The following NTRK2 variants were observed in gnomAD, a reference collection of about 807,000 sequenced individuals.
NTRK2 encodes the protein BDNF/NT-3 growth factors receptor.
A neutral mutation model predicts 94.5 loss-of-function variants in NTRK2; 13 were observed. The observed-to-expected ratio is 0.14, with a 90% CI of 0.09 to 0.22. The LOEUF (loss-of-function observed/expected upper bound fraction) is 0.22. NTRK2 is among the 10% of genes least tolerant of loss of function. NTRK2 has a pLI of 1.00. For synonymous variants in NTRK2, 372 were observed against 407.4 expected, an observed-to-expected ratio of 0.91 and a Z score of 1.05; for missense variants, 639 against 1,071.2, an observed-to-expected ratio of 0.60 and a Z score of 5.63.
chr9:84,818,958 C>T (rs779212849), intron 12 of NTRK2, among the ~76,000 whole-genome samples: 26 of 152,176 alleles, frequency 1.7e-4, no homozygotes, highest in Non-Finnish European at 2.9e-4. Context: ...TCGAATGTCC[C>T]GTCTGGCAGC....
At chr9:84,812,478 C>T (rs754115579) in intron 12 of NTRK2, 1 of 1,050,702 alleles carries the variant, frequency 9.5e-7, no homozygotes, top group Non-Finnish European at 1.1e-6. Context: ...TCTGAATTCC[C>T]ATTTTCTTGT....
At chr9:84,876,758 C>T in intron 14 of NTRK2, 2 of 1,061,286 alleles carry the variant, frequency 1.9e-6, no homozygotes, top group Non-Finnish European at 2.3e-6. Context: ...TCTACAGAAA[C>T]AATTATCAAT....
rs188798572 is a variant in NTRK2, at chr9:84,676,058, A to G, written c.212+5098A>G. 1.4e-3 allele frequency among the ~76,000 whole-genome samples: 217 copies of G among 152,346 alleles called. 1 individual carries two copies. The highest frequency in any genetic ancestry group is 9.3e-4 in the Non-Finnish European group (63 of 68,030). On this transcript the variant is annotated intron_variant, in intron 2 of 18. Transcript: ENST00000277120. ...GTGTTTCAAAAAATAAAAATAAAAA[A>G]GCATATCATGGAAAGCTGAAGTCAG...
At chr9:84,899,808 A>G (rs527323653) in intron 14 of NTRK2, among the ~76,000 whole-genome samples, 9 of 152,332 alleles carry the variant, frequency 5.9e-5, no homozygotes, top group African/African-American at 2.2e-4. Flanking sequence ...TGAACAGAGC[A>G]GTGGAGCAGA....
chr9:84,835,379 C>T (rs1283116057), intron 12 of NTRK2, among the ~76,000 whole-genome samples: 1 of 152,038 alleles, frequency 6.6e-6, no homozygotes, highest in South Asian at 2.1e-4. Flanking sequence ...ATTCTGTCAG[C>T]GAAATGAGCC....
intron 17 of NTRK2, among the ~76,000 whole-genome samples, chr9:85,012,865 T>C (rs1564550232): frequency 6.6e-6 from 1 of 152,234 alleles, no homozygotes; most frequent in Non-Finnish European, 1.5e-5. Flanking sequence ...AGAGTAGTTA[T>C]TGAATGATGT....
intron 12 of NTRK2, among the ~76,000 whole-genome samples, chr9:84,799,435 T>A (rs964227429): frequency 6.6e-6 from 1 of 152,188 alleles, no homozygotes; most frequent in Non-Finnish European, 1.5e-5. Flanking sequence ...AAACAACCGA[T>A]GTGGAACAAT....
intron 12 of NTRK2, among the ~76,000 whole-genome samples, chr9:84,848,016 C>T (rs1396313709): frequency 6.6e-6 from 1 of 151,854 alleles, no homozygotes; most frequent in Non-Finnish European, 1.5e-5. Context: ...CTTGGTTTGC[C>T]AATGGCCACC....
chr9:84,857,674 C>A (rs1485966929), intron 12 of NTRK2, among the ~76,000 whole-genome samples: 1 of 152,156 alleles, frequency 6.6e-6, no homozygotes, highest in Non-Finnish European at 1.5e-5. Context: ...TAATTTTAAA[C>A]AGAACTTAGA....
At chr9:84,739,860 G>T (rs2063516398) in intron 9 of NTRK2, among the ~76,000 whole-genome samples, 1 of 152,166 alleles carries the variant, frequency 6.6e-6, no homozygotes, top group Non-Finnish European at 1.5e-5. Flanking sequence ...CCACCCTACT[G>T]CAAATGAAGA....
At position 84,740,833 on chromosome 9, in the gene NTRK2, GATT is replaced by G. The variant is rs752428769; in HGVS notation, c.1160-1055_1160-1053del. 7.9e-5 allele frequency among the ~76,000 whole-genome samples: 12 copies of G among 152,158 alleles called. 1 individual carries two copies. The highest frequency in any genetic ancestry group is 4.6e-4 in the Admixed American group (7 of 15,288). On this transcript the variant is annotated intron_variant, in intron 9 of 18. Transcript: ENST00000277120. ...TTGGTTCTTCATTTAGACTAACCTT[GATT>G]ATTCACTGGGGAATGCATGAACAGA... is the stretch of plus-strand genomic sequence containing the variant.
chr9:85,016,119 C>T (rs2378672), intron 17 of NTRK2, among the ~76,000 whole-genome samples: 142,038 of 152,220 alleles, frequency 0.93, 66,402 homozygotes, highest in African/African-American at 0.98. Context: ...TGGATGATTA[C>T]GGTGGCACTG....
rs766885554 is a variant in NTRK2 at position 84,955,292 on chromosome 9, C to T, written c.1947C>T (p.Gly649=). The change falls in exon 17 of 19, where the codon GGC becomes GGT. Residue 649 remains glycine (G), a synonymous_variant. Coordinates refer to ENST00000277120, the MANE Select transcript of NTRK2 (RefSeq NM_006180.6). The stretch of plus-strand genomic sequence containing the variant: ...CCATGTCCTTCCCCAGGGCACACGG[C>T]CCTGATGCCGTGCTGATGGCTGAGG... ...GDLNKFLRAH[G]PDAVLMAEGN... is the part of the protein sequence containing the mutation. 5.8e-5 allele frequency: 93 copies of T among 1,601,686 alleles called. No homozygotes were observed. The highest frequency in any genetic ancestry group is 7.9e-5 in the Non-Finnish European group (93 of 1,174,032).
intron 17 of NTRK2, among the ~76,000 whole-genome samples, chr9:84,992,499 T>C (rs1398847153): frequency 1.3e-5 from 2 of 152,238 alleles, no homozygotes; most frequent in South Asian, 4.2e-4. Flanking sequence ...TGTTTCTTTT[T>C]CCCTGAATTA....
intron 12 of NTRK2, among the ~76,000 whole-genome samples, chr9:84,792,578 T>A (rs2068840900): frequency 6.6e-6 from 1 of 152,228 alleles, no homozygotes; most frequent in Non-Finnish European, 1.5e-5. Context: ...ATTATGAGTT[T>A]GAGCCATATG....
At chr9:84,846,837 G>A (rs1373118355) in intron 12 of NTRK2, among the ~76,000 whole-genome samples, 1 of 152,206 alleles carries the variant, frequency 6.6e-6, no homozygotes, top group African/African-American at 2.4e-5. Context: ...CATTTATCTA[G>A]TACCCTCAAG....
intron 11 of NTRK2, among the ~76,000 whole-genome samples, chr9:84,750,365 A>G (rs912800812): frequency 6.6e-6 from 1 of 152,228 alleles, no homozygotes; most frequent in East Asian, 1.9e-4. Flanking sequence ...CACATGAACC[A>G]CTTAACCACA....
intron 9 of NTRK2, among the ~76,000 whole-genome samples, chr9:84,730,984 C>G (rs908891257): frequency 6.6e-6 from 1 of 151,940 alleles, no homozygotes; most frequent in Non-Finnish European, 1.5e-5. Context: ...TAAGATCCCC[C>G]CCTTCCCTTT....
chr9:84,710,716 G>A lies in NTRK2; in HGVS notation c.508G>A (p.Asp170Asn). 1 of 1,614,062 alleles carries A rather than the reference G, an allele frequency of 6.2e-7. No individual in the cohort carries two copies. Among genetic ancestry groups the A allele is most frequent in the Non-Finnish European group, 8.5e-7 (1 of 1,179,926 alleles). Reference protein sequence around the residue: ...KTLQEAKSSPDTQDLYCLNES... With the variant: ...KTLQEAKSSPNTQDLYCLNES... The stretch of plus-strand genomic sequence containing the variant: ...TCTCCAAGAGGCTAAATCCAGTCCA[G>A]ACACTCAGGATTTGTACTGCCTGAA... Residue 170 changes from aspartate to asparagine, a missense_variant, in exon 6 of 19, where the codon GAC (aspartate) becomes AAC (asparagine). This residue lies in a region of NTRK2 where 206 missense variants were observed against 251.5 expected (regional missense o/e 0.82). Coordinates refer to ENST00000277120, the MANE Select transcript of NTRK2 (RefSeq NM_006180.6).
Sources: allele counts gnomAD v4.1 joint callset (sites outside exome capture counted in the v4.1 genomes callset), GRCh38; gene constraint gnomAD v4.1.1; regional missense constraint gnomAD v4.1.1; transcripts MANE v1.5; gene names NCBI Gene and HGNC (gene_info 2026-07-23, HGNC 2026-07-21).